Variants in FAR1 observed in about 807,000 individuals in gnomAD.
The protein encoded by FAR1 is fatty acyl-CoA reductase 1, also known as male sterility domain-containing protein 2.
Under a neutral mutation model 61.1 loss-of-function variants are expected in FAR1, and 22 were observed. That is an observed-to-expected ratio of 0.36 (90% CI 0.26 to 0.51). FAR1 has a LOEUF of 0.51. Among genes scored for constraint, FAR1 ranks in the 20% least tolerant of loss-of-function variants. The pLI is 0.95. For missense variants in FAR1, 359 were observed against 626.9 expected (o/e 0.57, Z 4.56); for synonymous variants, 206 against 209.7 (o/e 0.98, Z 0.15).
intron 1 of FAR1, chr11:13,670,203 A>G (rs1346729596): frequency 6.6e-6 from 1 of 151,488 alleles, no homozygotes; most frequent in Admixed American, 6.6e-5. Flanking sequence ...AAGGCTTGGG[A>G]TTACAGGGGT....
At chr11:13,708,447 G>GCGCGCGCGCA (rs139902063) in intron 4 of FAR1, among the ~76,000 whole-genome samples, 5 of 136,730 alleles carry the variant, frequency 3.7e-5, no homozygotes, top group African/African-American at 1.4e-4. Flanking sequence ...GCGCGCGCGC[G>GCGCGCGCGCA]CACACACACA....
chr11:13,698,032 AC>A (rs1465588068), intron 2 of FAR1, among the ~76,000 whole-genome samples: 1 of 152,156 alleles, frequency 6.6e-6, no homozygotes, highest in East Asian at 1.9e-4. Context: ...GGCTTCAGTT[AC>A]TACCTGTATG....
intron 1 of FAR1, among the ~76,000 whole-genome samples, chr11:13,672,449 G>T (rs373468359): frequency 4.0e-4 from 60 of 151,826 alleles, no homozygotes; most frequent in African/African-American, 1.4e-3. Context: ...CCAGCTACTT[G>T]GGGGGCTGAG....
intron 9 of FAR1, among the ~76,000 whole-genome samples, chr11:13,718,889 C>G (rs1035062454): frequency 1.3e-5 from 2 of 151,976 alleles, no homozygotes; most frequent in African/African-American, 4.8e-5. Context: ...AGTGTCATAC[C>G]CTCTCCATGT....
intron 10 of FAR1, among the ~76,000 whole-genome samples, chr11:13,723,099 G>T (rs950220252): frequency 6.6e-6 from 1 of 151,740 alleles, no homozygotes; most frequent in African/African-American, 2.4e-5. Context: ...GGTCATAGTA[G>T]CTCATGCCTG....
chr11:13,726,598 A>T (rs1036355579), intron 10 of FAR1, among the ~76,000 whole-genome samples: 1 of 151,512 alleles, frequency 6.6e-6, no homozygotes, highest in Non-Finnish European at 1.5e-5. Context: ...TCTGACTCTC[A>T]TATGCCTAGA....
At chr11:13,716,849 T>C (rs1477946680) in intron 9 of FAR1, among the ~76,000 whole-genome samples, 2 of 152,110 alleles carry the variant, frequency 1.3e-5, no homozygotes, top group African/African-American at 4.8e-5. Context: ...CGTGCAGATT[T>C]GTTACATATG....
At chr11:13,671,233 T>A (rs144092283) in intron 1 of FAR1, among the ~76,000 whole-genome samples, 1 of 152,246 alleles carries the variant, frequency 6.6e-6, no homozygotes, top group Non-Finnish European at 1.5e-5. Context: ...AACTAGAAGT[T>A]GGGATGTGGG....
At position 13,697,777 on chromosome 11, in the gene FAR1, GT is replaced by G. The variant is rs1848324085; in HGVS notation, c.190-2539del. Among the ~76,000 whole-genome samples, 16 of 152,256 alleles carry G rather than the reference GT, an allele frequency of 1.1e-4. No individual in the cohort carries two copies. In the South Asian group the frequency reaches 3.3e-3, roughly 32 times the overall value. On this transcript the variant is annotated intron_variant, in intron 2 of 11. Coordinates refer to ENST00000354817, the MANE Select transcript of FAR1 (RefSeq NM_032228.6). ...GAAGTACGAATCAGGGTGTTAAAAA[GT>G]ACTTTTTTAGTCATTCCTTAGGTTC...
intron 4 of FAR1, among the ~76,000 whole-genome samples, chr11:13,708,725 G>C (rs918663051): frequency 6.6e-6 from 1 of 152,038 alleles, no homozygotes; most frequent in African/African-American, 2.4e-5. Flanking sequence ...TAATAGCAAG[G>C]CTCTAATTTA....
intron 1 of FAR1, among the ~76,000 whole-genome samples, chr11:13,680,437 T>A (rs1189198600): frequency 1.3e-5 from 2 of 152,160 alleles, no homozygotes; most frequent in African/African-American, 4.8e-5. Flanking sequence ...AGTCCATTTG[T>A]ATTGATATAA....
chr11:13,682,888 A>G (rs1848143964), intron 1 of FAR1, among the ~76,000 whole-genome samples: 1 of 152,124 alleles, frequency 6.6e-6, no homozygotes, highest in African/African-American at 2.4e-5. Context: ...CCGGGATTAC[A>G]GGCATGAGCC....
In FAR1 at chr11:13,709,839, A is replaced by G. The variant is rs374214262; in HGVS notation, c.546-854A>G. ...GTATGGGTATCATTAGAGTATGACA[A>G]TATACTGAGTCTACTTGCATACACA... On this transcript the variant is annotated intron_variant, in intron 4 of 11. Coordinates refer to ENST00000354817, the MANE Select transcript of FAR1 (RefSeq NM_032228.6). Among the ~76,000 whole-genome samples the G allele has an allele frequency of 3.3e-5, 5 of 152,254 alleles. No homozygotes were observed. In the East Asian group the frequency reaches 9.6e-4, roughly 29 times the overall value.
intron 3 of FAR1, among the ~76,000 whole-genome samples, chr11:13,707,173 TTTA>T (rs1334199902): frequency 1.3e-5 from 2 of 152,210 alleles, no homozygotes; most frequent in Non-Finnish European, 2.9e-5. Context: ...TCTCTAGGTT[TTTA>T]TTAATTACAT....
intron 1 of FAR1, among the ~76,000 whole-genome samples, chr11:13,685,837 C>A (rs951954831): frequency 6.6e-6 from 1 of 152,140 alleles, no homozygotes; most frequent in African/African-American, 2.4e-5. Flanking sequence ...TTAAAATTTT[C>A]TGTGGAGCAG....
In FAR1 at chr11:13,690,085, A is replaced by G. The variant is rs1259607224; in HGVS notation, c.-7-4674A>G. Among the ~76,000 whole-genome samples the G allele has an allele frequency of 2.6e-5, 4 of 152,010 alleles. No homozygotes were observed. The East Asian group carries it at 7.7e-4, about 29-fold the overall frequency. On this transcript the variant is annotated intron_variant, in intron 1 of 11. Transcript: ENST00000354817. ...GAGACGGGGTTTCACCATGTTGGCC[A>G]GGCTGGTCTCTGAACTCCTGACCTC...
At position 13,731,858 on chromosome 11, in the gene FAR1, C is replaced by CT. The variant is rs1225040776; in HGVS notation, c.*3085dup. 2.0e-5 allele frequency: 3 copies of CT among 152,062 alleles called. No individual in the cohort carries two copies. Among genetic ancestry groups the CT allele is most frequent in the Non-Finnish European group, 4.4e-5 (3 of 68,012 alleles). The allele number at this position is 152,062 out of a possible 1,614,324, so 9.4% of individuals were successfully genotyped here. A position where few individuals can be genotyped will look rare whatever the true frequency, so the allele number is the denominator to read the frequency against. On this transcript the variant is annotated 3_prime_UTR_variant, in exon 12 of 12. Transcript: ENST00000354817. ...GGCACATTTGTGGTAATTTATATGT[C>CT]TATAGAGTAAGTATAAGAGATAATT...
chr11:13,707,416 A>G (rs1848444655), intron 3 of FAR1, among the ~76,000 whole-genome samples: 1 of 152,148 alleles, frequency 6.6e-6, no homozygotes, highest in South Asian at 2.1e-4. Context: ...TTTCTTGATT[A>G]TATGTTAATA....
At chr11:13,688,089 TAAAGTATAATAATAATAAAATTAA>T (rs1231361898) in intron 1 of FAR1, among the ~76,000 whole-genome samples, 10 of 151,772 alleles carry the variant, frequency 6.6e-5, no homozygotes, top group African/African-American at 2.4e-4. Flanking sequence ...CCCTAAAACT[TAAAGTATAATAATAATAAAATTAA>T]AAAAATTTGA....
Sources: gnomAD v4.1 joint callset for allele counts (sites outside exome capture counted in the v4.1 genomes callset) on GRCh38, gnomAD v4.1.1 for gene constraint, MANE v1.5 for transcripts, NCBI Gene and HGNC (gene_info 2026-07-23, HGNC 2026-07-21) for gene names.